The following SGCZ variants were observed in gnomAD, a reference collection of about 807,000 sequenced individuals.
SGCZ encodes the protein zeta-sarcoglycan.
In SGCZ, 40 loss-of-function variants were observed where a neutral mutation model predicts 41.3. The observed-to-expected ratio is 0.97, with a 90% CI of 0.75 to 1.26. The LOEUF is 1.26. Ranked by LOEUF, SGCZ falls within the 50% of genes most tolerant of loss-of-function variation. SGCZ has a pLI of 0.00. For synonymous variants in SGCZ, 206 were observed against 137.5 expected, an observed-to-expected ratio of 1.50 and a Z score of -3.49; for missense variants, 552 against 369.8, an observed-to-expected ratio of 1.49 and a Z score of -4.04.
intron 1 of SGCZ, among the ~76,000 whole-genome samples, chr8:15,215,606 A>AT (rs1362930139): frequency 1.3e-5 from 2 of 152,176 alleles, no homozygotes; most frequent in African/African-American, 4.8e-5. Context: ...GCTGTGGGCT[A>AT]TTTTTAGCAC....
At chr8:14,955,988 T>A (rs1319754684) in intron 1 of SGCZ, among the ~76,000 whole-genome samples, 1 of 151,850 alleles carries the variant, frequency 6.6e-6, no homozygotes, top group Non-Finnish European at 1.5e-5. Flanking sequence ...GGGATTTTAA[T>A]GCAATCGAAA....
At chr8:14,359,775 C>T (rs958281518) in intron 2 of SGCZ, among the ~76,000 whole-genome samples, 12 of 140,956 alleles carry the variant, frequency 8.5e-5, no homozygotes, top group African/African-American at 3.3e-4. Flanking sequence ...ATTTATTCTA[C>T]AAGGTTAGTA....
chr8:14,819,755 T>C (rs190335879), intron 1 of SGCZ, among the ~76,000 whole-genome samples: 167 of 152,172 alleles, frequency 1.1e-3, no homozygotes, highest in African/African-American at 3.8e-3. Context: ...AATTGTAGAG[T>C]ATTTCTATGT....
Position 14,787,452 on chromosome 8 carries a change from G to A in SGCZ, c.40-232526C>T, listed in dbSNP as rs1334687248. Among the ~76,000 whole-genome samples the A allele has an allele frequency of 2.6e-5, 4 of 151,938 alleles. No homozygotes were observed. In the East Asian group the frequency reaches 7.7e-4, roughly 29 times the overall value. ...CTAATAAGAAATATAATTAGAAATA[G>A]TAAAATAAAAAGTTGTAAACTTTAC... On this transcript the variant is annotated intron_variant, in intron 1 of 7. Transcript: ENST00000382080.
At chr8:14,480,652 A>T (rs180738300) in intron 2 of SGCZ, among the ~76,000 whole-genome samples, 8 of 152,246 alleles carry the variant, frequency 5.3e-5, no homozygotes, top group African/African-American at 1.9e-4. Context: ...CTTACAAAAA[A>T]CTTATGCTTA....
chr8:14,858,220 T>C (rs1803606392), intron 1 of SGCZ, among the ~76,000 whole-genome samples: 1 of 151,922 alleles, frequency 6.6e-6, no homozygotes, highest in East Asian at 1.9e-4. Flanking sequence ...AATATATACA[T>C]ATTAATGAGA....
At chr8:14,729,892 C>G (rs968789562) in intron 1 of SGCZ, among the ~76,000 whole-genome samples, 3 of 152,118 alleles carry the variant, frequency 2.0e-5, no homozygotes, top group African/African-American at 7.2e-5. Context: ...CAGGACCAGC[C>G]TGGCCAACAT....
rs551426389 is a variant in SGCZ, at chr8:14,555,604, C to T, written c.40-678G>A. 1.1e-3 allele frequency among the ~76,000 whole-genome samples: 170 copies of T among 152,076 alleles called. 1 individual carries two copies. The highest frequency in any genetic ancestry group is 3.4e-3 in the Middle Eastern group (1 of 294). On this transcript the variant is annotated intron_variant, in intron 1 of 7. Transcript: ENST00000382080. ...AACCTCTTTTCTTTGTCAATTACCC[C>T]GTCTCAAATATTTTTTTATACCAGA...
intron 1 of SGCZ, among the ~76,000 whole-genome samples, chr8:14,825,550 G>A (rs959769357): frequency 6.6e-6 from 1 of 151,994 alleles, no homozygotes; most frequent in Non-Finnish European, 1.5e-5. Context: ...GTATGTACTT[G>A]AACAACATGA....
intron 2 of SGCZ, among the ~76,000 whole-genome samples, chr8:14,367,676 G>C (rs539415822): frequency 6.6e-5 from 10 of 152,088 alleles, no homozygotes; most frequent in Admixed American, 5.9e-4. Flanking sequence ...CATTTATAAA[G>C]CCATCAGTTC....
chr8:15,084,457 A>T (rs997999063), intron 1 of SGCZ, among the ~76,000 whole-genome samples: 9 of 152,156 alleles, frequency 5.9e-5, no homozygotes, highest in African/African-American at 1.9e-4. Flanking sequence ...CTTCCCAAAA[A>T]ATCAGGATCC....
In SGCZ at chr8:14,134,428, A is replaced by C. The variant is rs144910681; in HGVS notation, c.548-26193T>G. On this transcript the variant is annotated intron_variant, in intron 5 of 7. Transcript: ENST00000382080. ...TGAAGGCTAAAGATGACAGGTATGA[A>C]TGAAAGTGAACATATGAATATATTT... Among the ~76,000 whole-genome samples, 478 of 152,346 alleles carry C rather than the reference A, an allele frequency of 3.1e-3. 7 individuals carry two copies. The highest frequency in any genetic ancestry group is 0.011 in the African/African-American group (473 of 41,586).
chr8:14,576,465 T>A (rs908619287), intron 1 of SGCZ, among the ~76,000 whole-genome samples: 2 of 152,162 alleles, frequency 1.3e-5, no homozygotes, highest in African/African-American at 2.4e-5. Flanking sequence ...GTAAGAGTCA[T>A]GGAGAAGTTA....
chr8:15,143,260 G>A (rs1441133716), intron 1 of SGCZ, among the ~76,000 whole-genome samples: 1 of 152,102 alleles, frequency 6.6e-6, no homozygotes, highest in Admixed American at 6.5e-5. Flanking sequence ...ACCATGAGAG[G>A]AACCTTATAT....
At chr8:14,210,973 A>G (rs908175327) in intron 4 of SGCZ, among the ~76,000 whole-genome samples, 2 of 152,206 alleles carry the variant, frequency 1.3e-5, no homozygotes, top group African/African-American at 2.4e-5. Flanking sequence ...TGCATTGGAA[A>G]TGAGAGAAAC....
chr8:14,770,442 G>T (rs1800195845), intron 1 of SGCZ, among the ~76,000 whole-genome samples: 1 of 151,614 alleles, frequency 6.6e-6, no homozygotes, highest in African/African-American at 2.4e-5. Context: ...GGGGGTGGGG[G>T]TAAGGAGAGG....
At chr8:14,898,450 A>G (rs1165124777) in intron 1 of SGCZ, among the ~76,000 whole-genome samples, 1 of 152,168 alleles carries the variant, frequency 6.6e-6, no homozygotes, top group African/African-American at 2.4e-5. Flanking sequence ...GGTCACAGGT[A>G]AGAATTTGGC....
intron 1 of SGCZ, among the ~76,000 whole-genome samples, chr8:14,846,281 G>A (rs1231638766): frequency 1.3e-5 from 2 of 151,758 alleles, no homozygotes; most frequent in African/African-American, 4.8e-5. Context: ...GAATATATGA[G>A]GAAGTGTTGA....
chr8:14,407,212 G>A (rs754546038), intron 2 of SGCZ, among the ~76,000 whole-genome samples: 1 of 151,856 alleles, frequency 6.6e-6, no homozygotes, highest in East Asian at 1.9e-4. Flanking sequence ...GGGATTACAG[G>A]TGTGTGCCAC....
Sources: gnomAD v4.1 joint callset for allele counts (sites outside exome capture counted in the v4.1 genomes callset) on GRCh38, gnomAD v4.1.1 for gene constraint, MANE v1.5 for transcripts, NCBI Gene and HGNC (gene_info 2026-07-23, HGNC 2026-07-21) for gene names.